The following RSPRY1 variants were observed in gnomAD, a reference collection of about 807,000 sequenced individuals.
The protein encoded by RSPRY1 is ring finger and SPRY domain containing 1.
A neutral mutation model predicts 73.1 loss-of-function variants in RSPRY1; 23 were observed. The ratio of observed to expected loss-of-function variants is 0.31; its 90% confidence interval spans 0.23 to 0.45. The LOEUF (loss-of-function observed/expected upper bound fraction) is 0.45. Among genes scored for constraint, RSPRY1 ranks in the 20% least tolerant of loss-of-function variants. The pLI, the probability that RSPRY1 is intolerant of heterozygous loss-of-function variation, is 1.00. For synonymous variants in RSPRY1, 226 were observed against 251.4 expected, an observed-to-expected ratio of 0.90 and a Z score of 0.95; for missense variants, 448 against 698.7, an observed-to-expected ratio of 0.64 and a Z score of 4.05.
intron 8 of RSPRY1, among the ~76,000 whole-genome samples, chr16:57,217,534 G>A (rs979677532): frequency 2.0e-5 from 3 of 152,230 alleles, no homozygotes; most frequent in South Asian, 4.1e-4. Flanking sequence ...ACTACTATAG[G>A]TTGAGTTTCT....
chr16:57,207,524 T>G, intron 2 of RSPRY1: 1 of 451,858 alleles, frequency 2.2e-6, no homozygotes, highest in South Asian at 1.6e-5. Context: ...TGTTAAGTAG[T>G]TCCTTAAGTT....
At chr16:57,191,654 G>GT (rs1403179011) in intron 1 of RSPRY1, among the ~76,000 whole-genome samples, 1 of 151,820 alleles carries the variant, frequency 6.6e-6, no homozygotes, top group African/African-American at 2.4e-5. Flanking sequence ...TAATTTATAG[G>GT]TTTTTTTGTT....
intron 13 of RSPRY1, among the ~76,000 whole-genome samples, chr16:57,234,673 G>A (rs187823194): frequency 1.3e-5 from 2 of 152,352 alleles, no homozygotes; most frequent in Non-Finnish European, 2.9e-5. Flanking sequence ...CTAACTTGAG[G>A]TGTTTGGACT....
chr16:57,200,468 C>A (rs1324360772), intron 1 of RSPRY1, among the ~76,000 whole-genome samples: 1 of 151,370 alleles, frequency 6.6e-6, no homozygotes, highest in Admixed American at 6.6e-5. Flanking sequence ...CTCCTCACTT[C>A]CCAGTAGGGG....
At chr16:57,189,056 C>T (rs1156255586) in intron 1 of RSPRY1, among the ~76,000 whole-genome samples, 2 of 148,480 alleles carry the variant, frequency 1.3e-5, no homozygotes, top group African/African-American at 5.0e-5. Context: ...TGCAATGGCG[C>T]GATCTCAGCT....
At chr16:57,214,341 G>T (rs2074900026) in intron 6 of RSPRY1, among the ~76,000 whole-genome samples, 1 of 152,068 alleles carries the variant, frequency 6.6e-6, no homozygotes, top group Non-Finnish European at 1.5e-5. Flanking sequence ...ACTCCTCCCT[G>T]CCCTCCCCCT....
chr16:57,208,812 A>T (rs1270658765), intron 3 of RSPRY1, among the ~76,000 whole-genome samples: 4 of 152,154 alleles, frequency 2.6e-5, no homozygotes, highest in Non-Finnish European at 4.4e-5. Flanking sequence ...GATGCTTAAA[A>T]CTATTTTAAT....
At chr16:57,238,676 T>A (rs1320632949) in intron 14 of RSPRY1, among the ~76,000 whole-genome samples, 1 of 152,250 alleles carries the variant, frequency 6.6e-6, no homozygotes, top group African/African-American at 2.4e-5. Context: ...ATGAACTTTT[T>A]ACTTGTTCCA....
intron 14 of RSPRY1, among the ~76,000 whole-genome samples, chr16:57,235,912 A>G (rs1445980476): frequency 6.6e-6 from 1 of 152,160 alleles, no homozygotes; most frequent in Admixed American, 6.5e-5. Context: ...CCCAGGAATG[A>G]CTCAGCCTGG....
chr16:57,200,314 C>A (rs1407671211), intron 1 of RSPRY1, among the ~76,000 whole-genome samples: 126 of 151,750 alleles, frequency 8.3e-4, no homozygotes, highest in African/African-American at 2.9e-3. Context: ...TCTTTCTACA[C>A]AGACATGGCA....
chr16:57,215,541 A>G (rs149768165), intron 6 of RSPRY1, among the ~76,000 whole-genome samples: 2 of 152,330 alleles, frequency 1.3e-5, no homozygotes, highest in East Asian at 1.9e-4. Context: ...AGGGGAACTC[A>G]TGTGACATGA....
intron 4 of RSPRY1, among the ~76,000 whole-genome samples, chr16:57,211,131 T>G (rs2074835049): frequency 6.6e-6 from 1 of 152,086 alleles, no homozygotes; most frequent in Non-Finnish European, 1.5e-5. Flanking sequence ...ATGTTTTTTA[T>G]TAAGAGGAAA....
At chr16:57,186,185 C>G, upstream of RSPRY1, 1 of 985,718 alleles carries the variant, frequency 1.0e-6, no homozygotes, top group African/African-American at 1.7e-5. Flanking sequence ...GGCCAGTCTG[C>G]GCCTGGAGGG....
chr16:57,196,173 C>T (rs755020251), intron 1 of RSPRY1, among the ~76,000 whole-genome samples: 1 of 151,696 alleles, frequency 6.6e-6, no homozygotes, highest in Non-Finnish European at 1.5e-5. Flanking sequence ...TTTGATGCTT[C>T]GTAAGATGGA....
At chr16:57,192,868 C>T (rs112880013) in intron 1 of RSPRY1, among the ~76,000 whole-genome samples, 94 of 152,062 alleles carry the variant, frequency 6.2e-4, no homozygotes, top group South Asian at 1.5e-3. Flanking sequence ...GGGTCCAAGC[C>T]GCCACTCTGG....
rs990409668 is a variant in RSPRY1, at chr16:57,213,999, T to C, written c.702+53T>C. ...CTTAGTCATCTAGAAGTGGGCATCATCTAGAACTGTGCATTTTCTCAAATT... is the reference window on the plus strand; with the variant it reads ...CTTAGTCATCTAGAAGTGGGCATCACCTAGAACTGTGCATTTTCTCAAATT... On this transcript the variant is annotated intron_variant, in intron 6 of 14. Transcript: ENST00000394420. The C allele has an allele frequency of 1.3e-5, 16 of 1,211,178 alleles. No individual in the cohort carries two copies. In the East Asian group the frequency reaches 3.7e-4, roughly 28 times the overall value. The allele number at this position is 1,211,178 out of a possible 1,614,324, so 75.0% of individuals were successfully genotyped here.
chr16:57,234,727 T>A (rs1449380907), intron 13 of RSPRY1, among the ~76,000 whole-genome samples: 2 of 152,256 alleles, frequency 1.3e-5, no homozygotes, highest in African/African-American at 2.4e-5. Flanking sequence ...CTTGAAATTG[T>A]ATAAAAACTT....
chr16:57,199,895 G>GTTTTTTTTTTT (rs61132783), intron 1 of RSPRY1, among the ~76,000 whole-genome samples: 15 of 106,238 alleles, frequency 1.4e-4, no homozygotes, highest in African/African-American at 2.2e-4. Flanking sequence ...TTTTTTGTTT[G>GTTTTTTTTTTT]TTTTTTTTTT....
chr16:57,221,496 T>C (rs1463642125), intron 10 of RSPRY1, 81 bp downstream of exon 10: 9 of 1,401,642 alleles, frequency 6.4e-6, no homozygotes, highest in Non-Finnish European at 7.8e-6. Context: ...AAAATACTTA[T>C]TTTTCAAATA....
Sources: allele counts gnomAD v4.1 joint callset (sites outside exome capture counted in the v4.1 genomes callset), GRCh38; gene constraint gnomAD v4.1.1; transcripts MANE v1.5; gene names NCBI Gene and HGNC (gene_info 2026-07-23, HGNC 2026-07-21).